Variants in CNTNAP2 observed in about 807,000 individuals in gnomAD.
The protein encoded by CNTNAP2 is contactin associated protein 2, also known as contactin-associated protein-like 2.
Under a neutral mutation model 155.2 loss-of-function variants are expected in CNTNAP2, and 98 were observed. The observed-to-expected ratio is 0.63, with a 90% CI of 0.54 to 0.75. CNTNAP2 has a LOEUF of 0.75. CNTNAP2 is among the 30% of genes least tolerant of loss of function. The pLI, the probability that CNTNAP2 is intolerant of heterozygous loss-of-function variation, is 0.00. For synonymous variants in CNTNAP2, 651 were observed against 631.2 expected (o/e 1.03, Z -0.47); for missense variants, 1,727 against 1,688.1 (o/e 1.02, Z -0.40).
intron 1 of CNTNAP2, among the ~76,000 whole-genome samples, chr7:146,732,877 T>C (rs1275946950): frequency 6.6e-6 from 1 of 152,192 alleles, no homozygotes; most frequent in Non-Finnish European, 1.5e-5. Flanking sequence ...TATTGCTATT[T>C]GCATTATTTT....
At chr7:146,696,235 TCTCC>T (rs1179352243) in intron 1 of CNTNAP2, among the ~76,000 whole-genome samples, 8 of 152,214 alleles carry the variant, frequency 5.3e-5, no homozygotes, top group African/African-American at 1.9e-4. Flanking sequence ...GTTATTTATT[TCTCC>T]CTGTGTGCAA....
intron 11 of CNTNAP2, among the ~76,000 whole-genome samples, chr7:147,548,414 G>A (rs557252838): frequency 6.6e-6 from 1 of 152,264 alleles, no homozygotes; most frequent in East Asian, 1.9e-4. Context: ...CTTTTGAAAA[G>A]TGTCTGTTCA....
intron 1 of CNTNAP2, among the ~76,000 whole-genome samples, chr7:146,699,078 A>G (rs1563193601): frequency 6.6e-6 from 1 of 152,062 alleles, no homozygotes; most frequent in Non-Finnish European, 1.5e-5. Context: ...GTTATTTTAA[A>G]TTCCCAGTTC....
chr7:146,343,927 T>C (rs10275558), intron 1 of CNTNAP2, among the ~76,000 whole-genome samples: 18,277 of 152,122 alleles, frequency 0.12, 2,055 homozygotes, highest in African/African-American at 0.3. Context: ...AATTTTTCTG[T>C]TGAAATTATG....
intron 14 of CNTNAP2, among the ~76,000 whole-genome samples, chr7:147,970,301 T>C (rs1347613890): frequency 6.6e-6 from 1 of 152,242 alleles, no homozygotes; most frequent in African/African-American, 2.4e-5. Flanking sequence ...ATCTTTAGTG[T>C]AAGCCATTAG....
intron 1 of CNTNAP2, among the ~76,000 whole-genome samples, chr7:146,579,538 A>G (rs759655764): frequency 6.6e-5 from 10 of 152,088 alleles, no homozygotes; most frequent in Admixed American, 1.3e-4. Context: ...CGTAAATTGA[A>G]CAGACTGTTA....
intron 3 of CNTNAP2, among the ~76,000 whole-genome samples, chr7:146,902,094 C>G (rs1796015794): frequency 6.6e-6 from 1 of 151,926 alleles, no homozygotes; most frequent in Non-Finnish European, 1.5e-5. Context: ...CCGTGTTAGC[C>G]AGGATGGTGT....
intron 12 of CNTNAP2, among the ~76,000 whole-genome samples, chr7:147,611,892 G>C (rs1286777794): frequency 7.2e-5 from 11 of 152,112 alleles, no homozygotes; most frequent in Non-Finnish European, 1.2e-4. Context: ...AATGCATGAA[G>C]TGTTTCTCAT....
chr7:147,208,559 C>T (rs1803069301), intron 8 of CNTNAP2, among the ~76,000 whole-genome samples: 1 of 151,850 alleles, frequency 6.6e-6, no homozygotes, highest in South Asian at 2.1e-4. Context: ...ATCTGAAAGA[C>T]CTAGCTTAAT....
At chr7:148,259,179 T>TAGA (rs1554408894) in intron 20 of CNTNAP2, among the ~76,000 whole-genome samples, 1 of 24,018 alleles carries the variant, frequency 4.2e-5, no homozygotes, top group Non-Finnish European at 6.7e-5. Context: ...AACTCCGTCT[T>TAGA]AAAAAAAAAA....
At chr7:147,697,568 T>A (rs1387122987) in intron 13 of CNTNAP2, among the ~76,000 whole-genome samples, 1 of 152,076 alleles carries the variant, frequency 6.6e-6, no homozygotes, top group Admixed American at 6.6e-5. Flanking sequence ...TAGTGATACG[T>A]TGTGGGGGAG....
chr7:148,194,136 A>AGTGTGT (rs5888309), intron 18 of CNTNAP2, among the ~76,000 whole-genome samples: 3,570 of 141,812 alleles, frequency 0.025, 52 homozygotes, highest in Non-Finnish European at 0.032. Context: ...ATGCCTGGCT[A>AGTGTGT]GTGTGTGTGT....
intron 1 of CNTNAP2, among the ~76,000 whole-genome samples, chr7:146,172,746 T>A (rs1378775326): frequency 2.0e-5 from 3 of 152,206 alleles, no homozygotes; most frequent in Admixed American, 2.0e-4. Flanking sequence ...TTGCTAGAAA[T>A]GAGTGGGCTC....
At chr7:146,805,282 A>G (rs759117793) in intron 2 of CNTNAP2, among the ~76,000 whole-genome samples, 6 of 152,182 alleles carry the variant, frequency 3.9e-5, no homozygotes, top group Admixed American at 2.0e-4. Context: ...CCTCAAGATG[A>G]TGAAACATGG....
intron 1 of CNTNAP2, among the ~76,000 whole-genome samples, chr7:146,574,490 C>G (rs1005628817): frequency 2.6e-5 from 4 of 152,118 alleles, no homozygotes. Context: ...ATAATGAGGT[C>G]AAGAGATCAA....
At chr7:148,107,830 T>C (rs1312831721) in intron 15 of CNTNAP2, among the ~76,000 whole-genome samples, 2 of 152,214 alleles carry the variant, frequency 1.3e-5, no homozygotes, top group Admixed American at 1.3e-4. Flanking sequence ...GCTATTTACA[T>C]TGGAAGGTGT....
chr7:146,964,614 T>C (rs1299341396), intron 3 of CNTNAP2, among the ~76,000 whole-genome samples: 4 of 152,236 alleles, frequency 2.6e-5, no homozygotes, highest in Non-Finnish European at 4.4e-5. Context: ...TATGTAGAAA[T>C]GGTTTTCCAT....
At chr7:146,798,131 G>T (rs529032125) in intron 2 of CNTNAP2, among the ~76,000 whole-genome samples, 4 of 152,050 alleles carry the variant, frequency 2.6e-5, no homozygotes, top group African/African-American at 9.6e-5. Flanking sequence ...AGTTAGCCAG[G>T]TATCCTAGCA....
chr7:148,389,621 G>C (rs1247012237), intron 22 of CNTNAP2: 1 of 152,160 alleles, frequency 6.6e-6, no homozygotes, highest in Non-Finnish European at 1.5e-5. Flanking sequence ...ACCCTCTCTT[G>C]GGGTTTGGAT....
Sources: allele counts gnomAD v4.1 joint callset (sites outside exome capture counted in the v4.1 genomes callset), GRCh38; gene constraint gnomAD v4.1.1; transcripts MANE v1.5; gene names NCBI Gene and HGNC (gene_info 2026-07-23, HGNC 2026-07-21).